Variants in RAD51B observed in about 807,000 individuals in gnomAD.
RAD51B encodes DNA repair protein RAD51 homolog 2.
Under a neutral mutation model 42.2 loss-of-function variants are expected in RAD51B, and 38 were observed. The observed-to-expected ratio is 0.90, with a 90% confidence interval of 0.70 to 1.18. RAD51B has a LOEUF of 1.18. Ranked by LOEUF, RAD51B falls within the 50% of genes most tolerant of loss-of-function variation. The pLI is 0.00. For synonymous variants in RAD51B, 154 were observed against 145.2 expected (o/e 1.06, Z -0.43); for missense variants, 373 against 400.7 (o/e 0.93, Z 0.59).
intron 7 of RAD51B, among the ~76,000 whole-genome samples, chr14:67,969,205 A>G (rs1022775320): frequency 3.3e-5 from 5 of 152,212 alleles, no homozygotes; most frequent in African/African-American, 9.6e-5. Context: ...TTGGGTGGGG[A>G]CACAGAACCA....
At chr14:68,265,893 T>C (rs963245311) in intron 7 of RAD51B, among the ~76,000 whole-genome samples, 16 of 152,218 alleles carry the variant, frequency 1.1e-4, no homozygotes, top group Admixed American at 1.0e-3. Context: ...GAGAGAGATA[T>C]AAATATAATT....
chr14:68,013,732 T>G (rs551397327), intron 7 of RAD51B, among the ~76,000 whole-genome samples: 1 of 152,320 alleles, frequency 6.6e-6, no homozygotes, highest in East Asian at 1.9e-4. Context: ...CATTAAATAT[T>G]TTGGATGCAA....
rs188073276 is a variant in RAD51B, at chr14:67,990,097, A to C, written c.756+102893A>C. On this transcript the variant is annotated intron_variant, in intron 7 of 10. Coordinates refer to ENST00000471583, the MANE Select transcript of RAD51B (RefSeq NM_133510.4). ...ACTGCAACCTCTACCTCCTGTGTTCAAGCTATTCTCCTGCCTCAGCCTCCC... is the reference window on the plus strand; with the variant it reads ...ACTGCAACCTCTACCTCCTGTGTTCCAGCTATTCTCCTGCCTCAGCCTCCC... Among the ~76,000 whole-genome samples the C allele has an allele frequency of 4.2e-3, 615 of 147,740 alleles. 8 individuals are homozygous for C. Among genetic ancestry groups the C allele is most frequent in the African/African-American group, 0.015 (591 of 39,860 alleles).
chr14:68,533,404 T>A (rs1887431805), intron 10 of RAD51B, among the ~76,000 whole-genome samples: 1 of 152,176 alleles, frequency 6.6e-6, no homozygotes, highest in Non-Finnish European at 1.5e-5. Flanking sequence ...AGAAGTTGAT[T>A]GTGCAGAAAA....
At chr14:68,160,726 T>C (rs1327484720) in intron 7 of RAD51B, among the ~76,000 whole-genome samples, 1 of 152,222 alleles carries the variant, frequency 6.6e-6, no homozygotes, top group African/African-American at 2.4e-5. Flanking sequence ...CTATTATTTT[T>C]GCTTTAATCT....
chr14:67,912,951 G>A (rs1246412977), intron 7 of RAD51B, among the ~76,000 whole-genome samples: 2 of 152,030 alleles, frequency 1.3e-5, no homozygotes, highest in Non-Finnish European at 2.9e-5. Context: ...TAATCTGCCC[G>A]ACTTGGCCTC....
At chr14:67,891,202 C>T (rs2140065489) in intron 7 of RAD51B, among the ~76,000 whole-genome samples, 1 of 152,154 alleles carries the variant, frequency 6.6e-6, no homozygotes, top group Non-Finnish European at 1.5e-5. Flanking sequence ...TACCAGTTAA[C>T]ACTATTTACA....
At chr14:67,856,228 A>C (rs1032030860) in intron 4 of RAD51B, among the ~76,000 whole-genome samples, 4 of 152,174 alleles carry the variant, frequency 2.6e-5, no homozygotes, top group Admixed American at 6.5e-5. Flanking sequence ...GGCAGCTGTC[A>C]ATATGAAAAA....
At chr14:68,635,957 A>G (rs1408583697) in intron 10 of RAD51B, among the ~76,000 whole-genome samples, 1 of 152,150 alleles carries the variant, frequency 6.6e-6, no homozygotes, top group Non-Finnish European at 1.5e-5. Flanking sequence ...AACACATAGG[A>G]CACAGCATTT....
intron 7 of RAD51B, among the ~76,000 whole-genome samples, chr14:68,001,175 G>A (rs11622135): frequency 0.17 from 26,314 of 151,924 alleles, 2,468 homozygotes; most frequent in Middle Eastern, 0.35. Context: ...TTAAAGTCCA[G>A]CAAAACTGCT....
chr14:68,036,305 C>A (rs1308182508), intron 7 of RAD51B, among the ~76,000 whole-genome samples: 1 of 152,194 alleles, frequency 6.6e-6, no homozygotes, highest in Non-Finnish European at 1.5e-5. Context: ...ACTCCTGAGG[C>A]AGAAACATCT....
At chr14:67,948,340 A>G (rs1471963591) in intron 7 of RAD51B, among the ~76,000 whole-genome samples, 1 of 152,200 alleles carries the variant, frequency 6.6e-6, no homozygotes, top group East Asian at 1.9e-4. Flanking sequence ...TCCTACAAAT[A>G]TACAGTGAAC....
intron 10 of RAD51B, among the ~76,000 whole-genome samples, chr14:68,569,887 T>C (rs542965389): frequency 2.7e-4 from 41 of 152,228 alleles, no homozygotes; most frequent in African/African-American, 9.6e-4. Context: ...GAGAGGCAGG[T>C]GGGAAGGGTC....
At chr14:68,057,503 A>G (rs191600212) in intron 7 of RAD51B, among the ~76,000 whole-genome samples, 2 of 152,252 alleles carry the variant, frequency 1.3e-5, no homozygotes, top group East Asian at 3.9e-4. Flanking sequence ...GTAGGATTTG[A>G]AAACAGGATC....
chr14:67,913,727 G>A (rs889534129), intron 7 of RAD51B, among the ~76,000 whole-genome samples: 1 of 152,094 alleles, frequency 6.6e-6, no homozygotes, highest in Non-Finnish European at 1.5e-5. Context: ...CAGGCATACA[G>A]TGTGTAATAA....
At chr14:68,319,906 A>G (rs1209024480) in intron 8 of RAD51B, among the ~76,000 whole-genome samples, 1 of 152,124 alleles carries the variant, frequency 6.6e-6, no homozygotes, top group Non-Finnish European at 1.5e-5. Flanking sequence ...CCTTCTAACA[A>G]CCCTATGAGA....
At chr14:68,162,866 T>C (rs2078671937) in intron 7 of RAD51B, among the ~76,000 whole-genome samples, 1 of 152,158 alleles carries the variant, frequency 6.6e-6, no homozygotes, top group Non-Finnish European at 1.5e-5. Context: ...AATAAGGGAT[T>C]TAATGTACTA....
At chr14:68,341,001 G>A (rs1406352914) in intron 8 of RAD51B, among the ~76,000 whole-genome samples, 1 of 152,142 alleles carries the variant, frequency 6.6e-6, no homozygotes, top group Non-Finnish European at 1.5e-5. Flanking sequence ...TCCCCTTCAG[G>A]GAAGGTGAGA....
chr14:68,111,599 A>G (rs1370813519), intron 7 of RAD51B, among the ~76,000 whole-genome samples: 5 of 152,020 alleles, frequency 3.3e-5, no homozygotes, highest in Non-Finnish European at 7.4e-5. Flanking sequence ...ACACAACCCC[A>G]CTACAATACC....
Sources: allele counts gnomAD v4.1 joint callset (sites outside exome capture counted in the v4.1 genomes callset), GRCh38; gene constraint gnomAD v4.1.1; transcripts MANE v1.5; gene names NCBI Gene and HGNC (gene_info 2026-07-23, HGNC 2026-07-21).